RPH3AL: variants seen among roughly 807,000 people sequenced by gnomAD.
The protein encoded by RPH3AL is rab effector Noc2.
RPH3AL carries 38 observed loss-of-function variants against 43.1 expected under a neutral mutation model. That is an observed-to-expected ratio of 0.88 (90% CI 0.68 to 1.15). The LOEUF is 1.15. RPH3AL is among the 50% of genes most tolerant of loss of function. RPH3AL has a pLI of 0.00. For synonymous variants in RPH3AL, 189 were observed against 176.3 expected, an observed-to-expected ratio of 1.07 and a Z score of -0.57; for missense variants, 462 against 423.2, an observed-to-expected ratio of 1.09 and a Z score of -0.81.
In RPH3AL at chr17:264,343, C is replaced by CAA. The variant is rs1567596884; in HGVS notation, c.439-17059_439-17058insTT. Among the ~76,000 whole-genome samples the CAA allele has an allele frequency of 2.2e-4, 12 of 54,608 alleles. 2 individuals are homozygous for CAA. The East Asian group carries it at 7.3e-3, about 33-fold the overall frequency. The allele number at this position is 54,608 out of a possible 152,430, so 35.8% of individuals were successfully genotyped here. On this transcript the variant is annotated intron_variant, in intron 6 of 9. Transcript: ENST00000331302. This position sits in a 1 kb window ranked among gnomAD's most constrained non-coding sequence, Gnocchi z 4.8. ...AGCAGGATTACCCTTCGGAGCCGTG[C>CAA]GCGCTGGATGGGGACTCAGAATCCG...
chr17:350,234 C>T (rs936756754), intron 1 of RPH3AL, among the ~76,000 whole-genome samples: 1 of 152,186 alleles, frequency 6.6e-6, no homozygotes, highest in East Asian at 1.9e-4. Flanking sequence ...CGCCTGTAAT[C>T]CTAGCACTTT....
rs1014172974 is a variant in RPH3AL at position 215,871 on chromosome 17, G to C, written c.728-69C>G. 2.4e-6 allele frequency: 3 copies of C among 1,266,394 alleles called. No individual in the cohort carries two copies. Among genetic ancestry groups the C allele is most frequent in the Non-Finnish European group, 3.0e-6 (3 of 987,454 alleles). 78.4% of individuals were successfully genotyped at this position (1,266,394 alleles called of 1,614,324 possible). A position where few individuals can be genotyped will look rare whatever the true frequency, so the allele number is the denominator to read the frequency against. ...CGGGGTGATCTCAGTCCAGTTCCTC[G>C]TTTGGAACTCTAGATCTCTATGGGA... On this transcript the variant is annotated intron_variant, in intron 8 of 9. Transcript: ENST00000331302. This position sits in a 1 kb window ranked among gnomAD's most constrained non-coding sequence, Gnocchi z 4.1.
chr17:308,281 C>T (rs2043553236), intron 5 of RPH3AL, among the ~76,000 whole-genome samples: 2 of 152,192 alleles, frequency 1.3e-5, no homozygotes, highest in African/African-American at 4.8e-5. Flanking sequence ...CCGTGGAGGA[C>T]TTTCACCGCA....
At chr17:303,284 G>T (rs976912218) in intron 5 of RPH3AL, among the ~76,000 whole-genome samples, 1 of 152,056 alleles carries the variant, frequency 6.6e-6, no homozygotes, top group Non-Finnish European at 1.5e-5. Flanking sequence ...CCAGCTGCCC[G>T]GGAGGCTGAG....
chr17:336,207 C>T (rs776336275), intron 1 of RPH3AL, among the ~76,000 whole-genome samples: 18 of 152,292 alleles, frequency 1.2e-4, no homozygotes, highest in Non-Finnish European at 1.6e-4. Flanking sequence ...TGCTCTGTTA[C>T]TATGACACGG....
chr17:213,798 G>C lies in RPH3AL; in HGVS notation c.*54C>G. 1.4e-6 allele frequency: 2 copies of C among 1,441,972 alleles called. No homozygotes were observed. Among genetic ancestry groups the C allele is most frequent in the Non-Finnish European group, 1.9e-6 (2 of 1,029,918 alleles). The allele number at this position is 1,441,972 out of a possible 1,614,324, so 89.3% of individuals were successfully genotyped here. On this transcript the variant is annotated 3_prime_UTR_variant, in exon 10 of 10. Transcript: ENST00000331302. The stretch of plus-strand genomic sequence containing the variant: ...CAAGGACCGGTCAGGGAGGAGCCGG[G>C]CAGGGTCTGGCAGGAATCCTCCACA...
intron 5 of RPH3AL, among the ~76,000 whole-genome samples, chr17:315,598 A>C (rs2044002223): frequency 4.1e-5 from 5 of 120,568 alleles, no homozygotes; most frequent in Admixed American, 1.0e-4. Context: ...CCTGTGCTCC[A>C]CCTCCACTGA....
chr17:263,049 T>C (rs782764012), intron 6 of RPH3AL, among the ~76,000 whole-genome samples: 1 of 152,230 alleles, frequency 6.6e-6, no homozygotes, highest in Non-Finnish European at 1.5e-5. Context: ...CTCTGCCACG[T>C]GCATGAAGAC....
Position 268,553 on chromosome 17 carries a change from G to GTTTTTTTT in RPH3AL, c.438+13207_438+13214dup, listed in dbSNP as rs5818749. On this transcript the variant is annotated intron_variant, in intron 6 of 9. Coordinates refer to ENST00000331302, the MANE Select transcript of RPH3AL (RefSeq NM_006987.4). ...ATTAAGATTTTAAGTATGTTTTTGG[G>GTTTTTTTT]TTTTTTTTTTTTTTTTTTTTTTTTT... Among the ~76,000 whole-genome samples, 47 of 74,532 alleles carry GTTTTTTTT rather than the reference G, an allele frequency of 6.3e-4. 2 individuals are homozygous for GTTTTTTTT. The highest frequency in any genetic ancestry group is 9.6e-4 in the East Asian group (2 of 2,084). The allele number at this position is 74,532 out of a possible 152,430, so 48.9% of individuals were successfully genotyped here.
At chr17:262,503 C>A (rs374171930) in intron 6 of RPH3AL, among the ~76,000 whole-genome samples, 17 of 152,036 alleles carry the variant, frequency 1.1e-4, no homozygotes, top group Non-Finnish European at 1.6e-4. Flanking sequence ...CGTGAGCCAC[C>A]GCACCCGGCC....
chr17:268,013 TCA>T (rs2042362961), intron 6 of RPH3AL, among the ~76,000 whole-genome samples: 1 of 152,154 alleles, frequency 6.6e-6, no homozygotes, highest in Admixed American at 6.5e-5. Flanking sequence ...ACCCTCCCTC[TCA>T]GAGGTAACCA....
At position 213,896 on chromosome 17, in the gene RPH3AL, C is replaced by G. The variant is rs758708385; in HGVS notation, c.904G>C (p.Ala302Pro). The change falls in exon 10 of 10, where the codon GCT becomes CCT. Residue 302 changes from alanine to proline, a missense_variant. Physicochemically the swap from Ala to Pro is conservative, Grantham distance 27 (BLOSUM62 -1). Transcript: ENST00000331302. ...PVKDTPGRAPAADAAPAGPSS... is the reference protein window; with the variant it reads ...PVKDTPGRAPPADAAPAGPSS... ...GGGCCTGCTGGAGCTGCGTCAGCAG[C>G]GGGGGCTCGTCCAGGTGTGTCTTTT... 2.7e-5 allele frequency: 43 copies of G among 1,613,420 alleles called. No individual in the cohort carries two copies. The South Asian group carries it at 4.1e-4, about 15-fold the overall frequency.
intron 7 of RPH3AL, among the ~76,000 whole-genome samples, chr17:240,481 G>A (rs763387544): frequency 6.6e-6 from 1 of 151,948 alleles, no homozygotes; most frequent in African/African-American, 2.4e-5. Flanking sequence ...CCTGGCAACC[G>A]CCCATCTACT....
chr17:242,074 A>G (rs2041552515), intron 7 of RPH3AL, among the ~76,000 whole-genome samples: 2 of 152,112 alleles, frequency 1.3e-5, no homozygotes, highest in African/African-American at 4.8e-5. Flanking sequence ...CAGAGATCAC[A>G]CCACCACACT....
At chr17:325,394 C>T (rs965706580) in intron 3 of RPH3AL, among the ~76,000 whole-genome samples, 2 of 152,294 alleles carry the variant, frequency 1.3e-5, no homozygotes, top group African/African-American at 2.4e-5. Context: ...CTCCATCTTC[C>T]TTCCACACTG....
At chr17:295,933 G>A (rs1274750111) in intron 5 of RPH3AL, among the ~76,000 whole-genome samples, 8 of 109,778 alleles carry the variant, frequency 7.3e-5, no homozygotes, top group Admixed American at 1.7e-4. Flanking sequence ...GTGTGGGAGG[G>A]ACACAGATGC....
At chr17:286,744 G>T (rs1410038698) in intron 5 of RPH3AL, among the ~76,000 whole-genome samples, 6 of 152,180 alleles carry the variant, frequency 3.9e-5, no homozygotes, top group African/African-American at 1.4e-4. Flanking sequence ...TGCCTGAGAT[G>T]GGCTTCCTCG....
In RPH3AL at chr17:333,340, C is replaced by T; in HGVS notation, c.-37+419G>A. 1 of 1,254,382 alleles carries T rather than the reference C, an allele frequency of 8.0e-7. No homozygotes were observed. The highest frequency in any genetic ancestry group is 1.5e-5 in the African/African-American group (1 of 65,234). 77.7% of individuals were successfully genotyped at this position (1,254,382 alleles called of 1,614,324 possible). A position where few individuals can be genotyped will look rare whatever the true frequency, so the allele number is the denominator to read the frequency against. On this transcript the variant is annotated intron_variant, in intron 2 of 9. Coordinates refer to ENST00000331302, the MANE Select transcript of RPH3AL (RefSeq NM_006987.4). The surrounding 1 kb of genome is among the most constrained non-coding windows in gnomAD (Gnocchi z 4.5). ...CTAAAGAGAAAACACCTTAAATTCT[C>T]ACATCAGCCACCCCCATGGCGACTC...
At chr17:276,545 C>A (rs371584638) in intron 6 of RPH3AL, among the ~76,000 whole-genome samples, 8 of 152,200 alleles carry the variant, frequency 5.3e-5, no homozygotes, top group African/African-American at 1.9e-4. Flanking sequence ...GCGCTCACCA[C>A]GATGCCCAGC....
Sources: allele counts gnomAD v4.1 joint callset (sites outside exome capture counted in the v4.1 genomes callset), GRCh38; gene constraint gnomAD v4.1.1; non-coding constraint Gnocchi (gnomAD v3.1); transcripts MANE v1.5; gene names NCBI Gene and HGNC (gene_info 2026-07-23, HGNC 2026-07-21).